The following SH3KBP1 variants were observed in gnomAD, a reference collection of about 807,000 sequenced individuals.
SH3KBP1 encodes the protein SH3 domain containing kinase binding protein 1, also known as SH3 domain-containing kinase-binding protein 1.
SH3KBP1 carries 8 observed loss-of-function variants against 50.1 expected under a neutral mutation model. The observed-to-expected ratio is 0.16, with a 90% CI of 0.09 to 0.29. SH3KBP1 has a LOEUF of 0.29. Among genes scored for constraint, SH3KBP1 ranks in the 10% least tolerant of loss-of-function variants. The probability of loss-of-function intolerance (pLI) is 1.00; values close to 1 mark genes in which losing one functional copy is unlikely to be tolerated. For synonymous variants in SH3KBP1, 227 were observed against 218.6 expected (o/e 1.04, Z -0.34); for missense variants, 377 against 535.2 (o/e 0.70, Z 2.92).
At chrX:19,886,028 A>G (rs182855523) in intron 1 of SH3KBP1, among the ~76,000 whole-genome samples, 2 of 111,979 alleles carry the variant, frequency 1.8e-5, no homozygotes, top group East Asian at 5.6e-4. Context: ...ACGAAAAAAA[A>G]AGGTGTTGTA....
At chrX:19,620,159 T>C (rs1306262734) in intron 8 of SH3KBP1, among the ~76,000 whole-genome samples, 1 of 112,376 alleles carries the variant, frequency 8.9e-6, no homozygotes, top group Admixed American at 9.4e-5. Flanking sequence ...ACAGTAGCGT[T>C]CATAAAGCAT....
chrX:19,557,782 G>A (rs1158599175), intron 13 of SH3KBP1, among the ~76,000 whole-genome samples: 3 of 111,896 alleles, frequency 2.7e-5, no homozygotes, highest in Non-Finnish European at 5.6e-5. Context: ...GGGGGATACA[G>A]GGGTGGAAAA....
chrX:19,838,923 A>G (rs1437322321), intron 1 of SH3KBP1, among the ~76,000 whole-genome samples: 1 of 110,014 alleles, frequency 9.1e-6, no homozygotes, highest in Non-Finnish European at 1.9e-5. Flanking sequence ...AAGAAAAGGA[A>G]AAAAAGAAAG....
rs1324811320 is a variant in SH3KBP1, at chrX:19,546,125, T to C, written c.1495-75A>G. 5 of 1,104,392 alleles carry C rather than the reference T, an allele frequency of 4.5e-6. No individual in the cohort carries two copies. The African/African-American group carries it at 9.0e-5, about 20-fold the overall frequency. The allele number at this position is 1,104,392 out of a possible 1,213,427, so 91.0% of individuals were successfully genotyped here. ...CACCACTTTCGTTAATATAATGCTG[T>C]ATGCTTTAAAAGCACTCGACACTGC... On this transcript the variant is annotated intron_variant, in intron 14 of 17. Coordinates refer to ENST00000397821, the MANE Select transcript of SH3KBP1 (RefSeq NM_031892.3).
intron 2 of SH3KBP1, among the ~76,000 whole-genome samples, chrX:19,771,843 G>A (rs751419093): frequency 1.6e-4 from 11 of 70,367 alleles, no homozygotes; most frequent in East Asian, 9.8e-4. Flanking sequence ...CTGCCTGGGC[G>A]ACAAAAGCGA....
chrX:19,782,307 C>A (rs2066206162), intron 2 of SH3KBP1, among the ~76,000 whole-genome samples: 1 of 111,944 alleles, frequency 8.9e-6, no homozygotes, highest in South Asian at 3.7e-4. Flanking sequence ...GGCTTCTCCC[C>A]TAGAACACCG....
At chrX:19,812,965 ACT>A (rs2067250051) in intron 2 of SH3KBP1, among the ~76,000 whole-genome samples, 1 of 110,095 alleles carries the variant, frequency 9.1e-6, no homozygotes, top group Non-Finnish European at 1.9e-5. Flanking sequence ...AAAGAGAGAG[ACT>A]CTGTCTCAAA....
intron 6 of SH3KBP1, among the ~76,000 whole-genome samples, 199 bp downstream of exon 6, chrX:19,683,624 G>A (rs2063106863): frequency 9.0e-6 from 1 of 111,059 alleles, no homozygotes; most frequent in Non-Finnish European, 1.9e-5. Context: ...AAAGAAAGCA[G>A]CAAACTAGAG....
At chrX:19,875,377 G>T (rs780545839) in intron 1 of SH3KBP1, among the ~76,000 whole-genome samples, 6 of 112,338 alleles carry the variant, frequency 5.3e-5, no homozygotes, top group Admixed American at 1.9e-4. Context: ...AAGGGACTCT[G>T]TGAGGATGGA....
intron 3 of SH3KBP1, among the ~76,000 whole-genome samples, chrX:19,707,951 CTG>C (rs1338392250): frequency 8.8e-6 from 1 of 112,995 alleles, no homozygotes; most frequent in Non-Finnish European, 1.9e-5. Flanking sequence ...TCGTTCATGG[CTG>C]ACCGCCTCAC....
intron 6 of SH3KBP1, among the ~76,000 whole-genome samples, chrX:19,659,407 G>A (rs762454425): frequency 1.2e-4 from 13 of 107,315 alleles, no homozygotes; most frequent in Non-Finnish European, 2.5e-4. Flanking sequence ...GAGCCACTGT[G>A]CCCGGCCACA....
intron 9 of SH3KBP1, among the ~76,000 whole-genome samples, chrX:19,604,086 T>G (rs1011622662): frequency 1.8e-5 from 2 of 111,602 alleles, no homozygotes; most frequent in Non-Finnish European, 3.8e-5. Flanking sequence ...AGAGTCTAAG[T>G]TCCCCGTTAG....
In SH3KBP1 at chrX:19,542,098, G is replaced by C. The variant is rs376960635; in HGVS notation, c.1719C>G (p.Pro573=). Residue 573 remains proline, a synonymous_variant, in exon 16 of 18, where the codon CCC becomes CCG. Coordinates refer to ENST00000397821, the MANE Select transcript of SH3KBP1 (RefSeq NM_031892.3). The part of the protein sequence containing the change: ...PAPLSSAAPS[P]LSSSLGTAGH... The stretch of plus-strand genomic sequence containing the variant: ...CAGCTGTTCCCAAAGAGGATGACAG[G>C]GGGGAGGGCGCCGCTGAGGACAGAG... The C allele has an allele frequency of 1.8e-5, 22 of 1,209,843 alleles. No homozygotes were observed. The highest frequency in any genetic ancestry group is 1.5e-4 in the East Asian group (5 of 33,720).
intron 6 of SH3KBP1, among the ~76,000 whole-genome samples, chrX:19,677,123 A>G (rs926215276): frequency 8.9e-6 from 1 of 112,044 alleles, no homozygotes; most frequent in African/African-American, 3.2e-5. Context: ...ACACGGAATG[A>G]GCTGGCACCA....
intron 2 of SH3KBP1, among the ~76,000 whole-genome samples, chrX:19,800,336 G>T (rs2066857247): frequency 8.9e-6 from 1 of 112,126 alleles, no homozygotes; most frequent in Non-Finnish European, 1.9e-5. Flanking sequence ...CTGGCAGAAT[G>T]TCTATTTGGC....
chrX:19,583,219 T>C (rs911779281), intron 12 of SH3KBP1, among the ~76,000 whole-genome samples: 5 of 108,121 alleles, frequency 4.6e-5, no homozygotes, highest in Non-Finnish European at 9.6e-5. Context: ...AATGGTGCAA[T>C]CTTGGCTCGC....
chrX:19,610,548 T>C (rs906478602), intron 8 of SH3KBP1, among the ~76,000 whole-genome samples: 1 of 112,167 alleles, frequency 8.9e-6, no homozygotes, highest in African/African-American at 3.2e-5. Flanking sequence ...TTAATGATAT[T>C]CAATTCAATA....
chrX:19,875,705 C>T (rs186892862), intron 1 of SH3KBP1, among the ~76,000 whole-genome samples: 6 of 112,746 alleles, frequency 5.3e-5, no homozygotes, highest in African/African-American at 1.9e-4. Context: ...ACAGAAGCTC[C>T]GGTGGGCTCA....
intron 2 of SH3KBP1, among the ~76,000 whole-genome samples, chrX:19,762,697 G>C (rs1017035589): frequency 8.9e-6 from 1 of 112,048 alleles, no homozygotes; most frequent in African/African-American, 3.2e-5. Context: ...CAATTCCCCT[G>C]TCTTGATAAA....
Sources: gnomAD v4.1 joint callset for allele counts (sites outside exome capture counted in the v4.1 genomes callset) on GRCh38, gnomAD v4.1.1 for gene constraint, MANE v1.5 for transcripts, NCBI Gene and HGNC (gene_info 2026-07-23, HGNC 2026-07-21) for gene names.